PCDH15: variants seen among roughly 807,000 people sequenced by gnomAD.
The protein encoded by PCDH15 is protocadherin related 15, also known as protocadherin-15.
A neutral mutation model predicts 178.5 loss-of-function variants in PCDH15; 129 were observed. The observed-to-expected ratio is 0.72, with a 90% CI of 0.63 to 0.84. The LOEUF (loss-of-function observed/expected upper bound fraction) is 0.84, where lower values mean the gene tolerates loss of function less well. Among genes scored for constraint, PCDH15 ranks in the 40% least tolerant of loss-of-function variants. PCDH15 has a pLI of 0.00. For missense variants in PCDH15, 2,230 were observed against 2,099.9 expected (o/e 1.06, Z -1.21); for synonymous variants, 800 against 732.0 (o/e 1.09, Z -1.50).
intron 2 of PCDH15, among the ~76,000 whole-genome samples, chr10:55,621,045 C>A (rs939900255): frequency 2.0e-4 from 31 of 151,654 alleles, no homozygotes; most frequent in Non-Finnish European, 3.8e-4. Flanking sequence ...TGTTAGAAAA[C>A]CATTTTTAAA....
chr10:54,080,713 T>C (rs1565206348), intron 16 of PCDH15, among the ~76,000 whole-genome samples: 1 of 152,182 alleles, frequency 6.6e-6, no homozygotes, highest in Non-Finnish European at 1.5e-5. Context: ...TCTGAACATA[T>C]GGCATGCCCA....
chr10:54,985,281 C>T (rs190060544), intron 2 of PCDH15, among the ~76,000 whole-genome samples: 2 of 152,022 alleles, frequency 1.3e-5, no homozygotes, highest in Non-Finnish European at 2.9e-5. Flanking sequence ...TATGGACTCT[C>T]AATAAAAAGG....
At chr10:54,972,597 C>G (rs551180989) in intron 2 of PCDH15, among the ~76,000 whole-genome samples, 1 of 151,902 alleles carries the variant, frequency 6.6e-6, no homozygotes, top group South Asian at 2.1e-4. Flanking sequence ...GCCTGTAATC[C>G]CAGCACTTTT....
intron 6 of PCDH15, among the ~76,000 whole-genome samples, chr10:54,335,752 A>G (rs1940969058): frequency 1.3e-5 from 2 of 152,150 alleles, no homozygotes; most frequent in Admixed American, 6.5e-5. Flanking sequence ...CTTTATCAGA[A>G]GTGTGAAAAC....
At chr10:54,189,136 A>G (rs766471584) in intron 11 of PCDH15, among the ~76,000 whole-genome samples, 13 of 152,074 alleles carry the variant, frequency 8.5e-5, no homozygotes, top group Non-Finnish European at 1.3e-4. Flanking sequence ...TCATAGTACT[A>G]TAAACAATAG....
intron 22 of PCDH15, 25 bp from the exon 23 acceptor site, chr10:53,959,869 T>C (rs1386058751): frequency 6.4e-7 from 1 of 1,564,602 alleles, no homozygotes. Context: ...AAAATTCATG[T>C]TAAAGATTAT....
At chr10:54,914,247 T>C (rs978626398) in intron 2 of PCDH15, among the ~76,000 whole-genome samples, 2 of 152,090 alleles carry the variant, frequency 1.3e-5, no homozygotes, top group African/African-American at 4.8e-5. Context: ...TTTCTCTTTG[T>C]TGTTCTCATG....
intron 18 of PCDH15, among the ~76,000 whole-genome samples, chr10:54,048,596 A>G (rs2093702652): frequency 6.6e-6 from 1 of 152,140 alleles, no homozygotes; most frequent in Non-Finnish European, 1.5e-5. Flanking sequence ...GGAGGAGTGC[A>G]GTTTTATTCT....
chr10:54,024,122 A>C (rs2093011574), intron 18 of PCDH15, among the ~76,000 whole-genome samples: 1 of 152,190 alleles, frequency 6.6e-6, no homozygotes, highest in African/African-American at 2.4e-5. Flanking sequence ...ATCACTTTGC[A>C]TCAAATAAAA....
At chr10:54,948,541 A>G (rs1838249346) in intron 2 of PCDH15, among the ~76,000 whole-genome samples, 1 of 151,972 alleles carries the variant, frequency 6.6e-6, no homozygotes, top group African/African-American at 2.4e-5. Flanking sequence ...AGACTGAGTG[A>G]GCAGGAACTC....
chr10:55,579,476 C>T (rs1434422075), intron 2 of PCDH15, among the ~76,000 whole-genome samples: 1 of 152,160 alleles, frequency 6.6e-6, no homozygotes, highest in South Asian at 2.1e-4. Flanking sequence ...ATCTCTGTAA[C>T]TGTCCTTAGC....
chr10:55,372,298 A>G lies in PCDH15; in HGVS notation c.-155-205647T>C, dbSNP rs548693849. ...TTCAAGTTTTCTTCCTCTTGTTTCCACCTGCACACCCACCCATATGGCAGG... is the reference window on the plus strand; with the variant it reads ...TTCAAGTTTTCTTCCTCTTGTTTCCGCCTGCACACCCACCCATATGGCAGG... On this transcript the variant is annotated intron_variant, in intron 2 of 5. Transcript: ENST00000613346. 6.1e-4 allele frequency among the ~76,000 whole-genome samples: 93 copies of G among 152,188 alleles called. No individual in the cohort carries two copies. The South Asian group carries it at 9.3e-3, about 15-fold the overall frequency.
chr10:53,945,185 G>A (rs1048497637), intron 23 of PCDH15, among the ~76,000 whole-genome samples: 1 of 151,958 alleles, frequency 6.6e-6, no homozygotes, highest in African/African-American at 2.4e-5. Flanking sequence ...ATGTTATTGA[G>A]AAATAAATTA....
chr10:55,490,394 G>A (rs1442901974), intron 2 of PCDH15, among the ~76,000 whole-genome samples: 5 of 151,774 alleles, frequency 3.3e-5, no homozygotes, highest in Admixed American at 3.3e-4. Flanking sequence ...AAAACTCCAT[G>A]AGTCTGGGCA....
At chr10:53,857,288 A>G (rs770441793) in intron 27 of PCDH15, 25 bp from the exon 28 acceptor site, 64 of 1,569,936 alleles carry the variant, frequency 4.1e-5, no homozygotes, top group Non-Finnish European at 5.5e-5. Context: ...AACAGAATTC[A>G]TTTAATTTTT....
chr10:54,037,547 C>A (rs1590053950), intron 18 of PCDH15, among the ~76,000 whole-genome samples: 2 of 90,712 alleles, frequency 2.2e-5, no homozygotes, highest in East Asian at 4.3e-4. Context: ...GTTTTTCAGA[C>A]ACAATGCTAA....
At chr10:55,252,940 G>GA (rs981707983) in intron 1 of PCDH15, among the ~76,000 whole-genome samples, 1 of 152,092 alleles carries the variant, frequency 6.6e-6, no homozygotes, top group East Asian at 1.9e-4. Flanking sequence ...AGCTAAAGGA[G>GA]AAAAAAATTT....
At chr10:53,962,003 A>G (rs1303502798) in intron 21 of PCDH15, 111 bp from the exon 22 acceptor site, 1 of 842,214 alleles carries the variant, frequency 1.2e-6, no homozygotes, top group Non-Finnish European at 1.9e-6. Context: ...TGAAAATCAT[A>G]TTTCCATATT....
chr10:54,141,667 A>G (rs957193011), intron 14 of PCDH15, among the ~76,000 whole-genome samples: 8 of 152,104 alleles, frequency 5.3e-5, no homozygotes, highest in Non-Finnish European at 7.3e-5. Context: ...GTGACACTCA[A>G]TTGAATTAGG....
Sources: allele counts gnomAD v4.1 joint callset (sites outside exome capture counted in the v4.1 genomes callset), GRCh38; gene constraint gnomAD v4.1.1; transcripts MANE v1.5; gene names NCBI Gene and HGNC (gene_info 2026-07-23, HGNC 2026-07-21).